The following NDUFAF2 variants were observed in gnomAD, a reference collection of about 807,000 sequenced individuals.
NDUFAF2 encodes NADH:ubiquinone oxidoreductase complex assembly factor 2.
A neutral mutation model predicts 22.8 loss-of-function variants in NDUFAF2; 13 were observed. That is an observed-to-expected ratio of 0.57 (90% CI 0.37 to 0.91). The LOEUF (loss-of-function observed/expected upper bound fraction) is 0.91, where lower values mean the gene tolerates loss of function less well. Ranked by LOEUF, NDUFAF2 falls within the 40% of genes least tolerant of loss-of-function variation. The pLI is 0.01. For synonymous variants in NDUFAF2, 53 were observed against 64.2 expected (o/e 0.83, Z 0.84); for missense variants, 162 against 195.2 (o/e 0.83, Z 1.01).
At chr5:61,080,261 C>T (rs1053171441) in intron 2 of NDUFAF2, among the ~76,000 whole-genome samples, 2 of 152,144 alleles carry the variant, frequency 1.3e-5, no homozygotes, top group East Asian at 1.9e-4. Flanking sequence ...TACACATTCA[C>T]GTACAAATCT....
At chr5:61,032,794 G>C (rs931701184) in intron 1 of NDUFAF2, among the ~76,000 whole-genome samples, 3 of 152,136 alleles carry the variant, frequency 2.0e-5, no homozygotes, top group African/African-American at 7.2e-5. Flanking sequence ...GGATAGCATT[G>C]AATCTGTATA....
intron 1 of NDUFAF2, among the ~76,000 whole-genome samples, chr5:61,010,572 T>A (rs1751431156): frequency 6.6e-6 from 1 of 152,110 alleles, no homozygotes; most frequent in Non-Finnish European, 1.5e-5. Context: ...TGGGTTAGAA[T>A]CCTGTGCTAT....
chr5:60,999,839 C>T (rs1751274910), intron 1 of NDUFAF2, among the ~76,000 whole-genome samples: 1 of 152,082 alleles, frequency 6.6e-6, no homozygotes. Context: ...TACCTTATTC[C>T]AGAATTAGAG....
intron 1 of NDUFAF2, among the ~76,000 whole-genome samples, chr5:60,998,368 C>A (rs1451968154): frequency 6.6e-6 from 1 of 151,896 alleles, no homozygotes; most frequent in Non-Finnish European, 1.5e-5. Flanking sequence ...TGTGAAACCT[C>A]CAAATAAATT....
chr5:61,090,579 T>C (rs548822043), intron 2 of NDUFAF2, among the ~76,000 whole-genome samples: 8 of 152,202 alleles, frequency 5.3e-5, no homozygotes, highest in Admixed American at 5.2e-4. Flanking sequence ...AAACTGAAGA[T>C]ATATTGCTGA....
chr5:61,096,639 A>C (rs1256343269), intron 2 of NDUFAF2, among the ~76,000 whole-genome samples: 1 of 151,816 alleles, frequency 6.6e-6, no homozygotes, highest in African/African-American at 2.4e-5. Flanking sequence ...TTTTGGCTAG[A>C]AATTGGCCAA....
intron 2 of NDUFAF2, among the ~76,000 whole-genome samples, chr5:61,097,248 CA>C (rs1323294177): frequency 6.6e-6 from 1 of 152,098 alleles, no homozygotes; most frequent in Non-Finnish European, 1.5e-5. Flanking sequence ...ATAAGCCTAT[CA>C]TATGTTGAAA....
chr5:61,143,802 G>C (rs141649789), intron 3 of NDUFAF2, among the ~76,000 whole-genome samples: 3 of 152,096 alleles, frequency 2.0e-5, no homozygotes, highest in African/African-American at 7.2e-5. Flanking sequence ...ATTATATTTA[G>C]ATTTTGTCTT....
intron 3 of NDUFAF2, among the ~76,000 whole-genome samples, chr5:61,146,690 T>C (rs995093308): frequency 1.3e-5 from 2 of 152,180 alleles, no homozygotes; most frequent in Non-Finnish European, 2.9e-5. Flanking sequence ...ATTATCCTGC[T>C]TGGGGTTGTT....
intron 1 of NDUFAF2, among the ~76,000 whole-genome samples, chr5:61,003,306 T>C (rs1751322254): frequency 6.6e-6 from 1 of 152,148 alleles, no homozygotes; most frequent in Non-Finnish European, 1.5e-5. Flanking sequence ...TGAAGTTTTT[T>C]AACTCTTATA....
Position 61,082,276 on chromosome 5 carries a change from T to C in NDUFAF2, c.217+9062T>C, listed in dbSNP as rs117702129. On this transcript the variant is annotated intron_variant, in intron 2 of 3. Coordinates refer to ENST00000296597, the MANE Select transcript of NDUFAF2 (RefSeq NM_174889.5). The stretch of plus-strand genomic sequence containing the variant: ...CAAGAGTGTACATATATACTTTATT[T>C]TTTAGAGATGGGGATCTTGCTCTGT... 3.2e-3 allele frequency among the ~76,000 whole-genome samples: 482 copies of C among 152,246 alleles called. 4 individuals carry two copies. Among genetic ancestry groups the C allele is most frequent in the East Asian group, 0.017 (89 of 5,180 alleles).
intron 1 of NDUFAF2, among the ~76,000 whole-genome samples, chr5:61,008,180 T>A (rs1032361883): frequency 6.7e-5 from 10 of 149,050 alleles, no homozygotes; most frequent in African/African-American, 1.7e-4. Flanking sequence ...GAGGGATAGC[T>A]TTAGGAGATA....
chr5:61,073,290 TA>T, intron 2 of NDUFAF2, 76 bp downstream of exon 2: 1 of 1,075,142 alleles, frequency 9.3e-7, no homozygotes, highest in Non-Finnish European at 1.4e-6. Flanking sequence ...AGAGCATATA[TA>T]GTTATATACT....
intron 1 of NDUFAF2, among the ~76,000 whole-genome samples, chr5:61,057,812 A>G (rs1752117440): frequency 6.6e-6 from 1 of 152,176 alleles, no homozygotes; most frequent in Non-Finnish European, 1.5e-5. Flanking sequence ...TAACTTGATA[A>G]CTATCACATT....
intron 1 of NDUFAF2, among the ~76,000 whole-genome samples, chr5:61,021,676 T>G (rs1301865559): frequency 6.6e-6 from 1 of 152,244 alleles, no homozygotes; most frequent in Admixed American, 6.5e-5. Context: ...TTCTTTTCCT[T>G]GGTATTGATA....
intron 1 of NDUFAF2, among the ~76,000 whole-genome samples, chr5:61,068,827 G>A (rs1481182839): frequency 1.3e-5 from 2 of 152,042 alleles, no homozygotes; most frequent in Non-Finnish European, 2.9e-5. Flanking sequence ...CGAAATGTCA[G>A]TTTGTAGATG....
intron 3 of NDUFAF2, among the ~76,000 whole-genome samples, chr5:61,136,882 C>T (rs757126217): frequency 8.5e-5 from 13 of 152,106 alleles, no homozygotes; most frequent in Non-Finnish European, 1.8e-4. Context: ...GTTAATAACT[C>T]CCTGGTATTT....
chr5:60,977,792 G>A (rs1466168998), intron 1 of NDUFAF2, among the ~76,000 whole-genome samples: 4 of 146,696 alleles, frequency 2.7e-5, no homozygotes, highest in African/African-American at 5.0e-5. Context: ...AGCCAAGATC[G>A]TGACACTGCA....
In NDUFAF2 at chr5:61,003,185, G is replaced by A. The variant is rs577867587; in HGVS notation, c.127+57803G>A. The stretch of plus-strand genomic sequence containing the variant: ...AGTACTATTTGGCATTCTGTTGAAT[G>A]CACAGATTCTCTGCAATCAACGTTT... On this transcript the variant is annotated intron_variant, in intron 1 of 3. Transcript: ENST00000296597. Among the ~76,000 whole-genome samples, 7 of 152,210 alleles carry A rather than the reference G, an allele frequency of 4.6e-5. No homozygotes were observed. In the East Asian group the frequency reaches 1.4e-3, roughly 29 times the overall value.
Sources: allele counts gnomAD v4.1 joint callset (sites outside exome capture counted in the v4.1 genomes callset), GRCh38; gene constraint gnomAD v4.1.1; transcripts MANE v1.5; gene names NCBI Gene and HGNC (gene_info 2026-07-23, HGNC 2026-07-21).